Variants in ATP2A3 observed in about 807,000 individuals in gnomAD.
The protein encoded by ATP2A3 is ATPase sarcoplasmic/endoplasmic reticulum Ca2+ transporting 3, also known as sarcoplasmic/endoplasmic reticulum calcium ATPase 3.
Under a neutral mutation model 106.8 loss-of-function variants are expected in ATP2A3, and 61 were observed. The ratio of observed to expected loss-of-function variants is 0.57; its 90% CI spans 0.46 to 0.71. ATP2A3 has a LOEUF of 0.71. ATP2A3 is among the 30% of genes least tolerant of loss of function. The probability of loss-of-function intolerance (pLI) is 0.00; values close to 1 mark genes in which losing one functional copy is unlikely to be tolerated. For synonymous variants in ATP2A3, 611 were observed against 609.3 expected (o/e 1.00, Z -0.04); for missense variants, 1,201 against 1,423.5 (o/e 0.84, Z 2.52).
chr17:3,941,998 A>G (rs1410826968), intron 12 of ATP2A3, among the ~76,000 whole-genome samples: 1 of 152,102 alleles, frequency 6.6e-6, no homozygotes, highest in Non-Finnish European at 1.5e-5. Context: ...CCCTGGTGCT[A>G]CTCGGGTTCC....
intron 14 of ATP2A3, 54 bp downstream of exon 14, chr17:3,940,917 C>G: frequency 6.3e-7 from 1 of 1,598,118 alleles, no homozygotes; most frequent in Non-Finnish European, 8.6e-7. Context: ...GCTCTTTTCA[C>G]ACCCCGTGGC....
At chr17:3,945,602 T>C (rs2054069596) in intron 8 of ATP2A3, among the ~76,000 whole-genome samples, 1 of 152,186 alleles carries the variant, frequency 6.6e-6, no homozygotes, top group African/African-American at 2.4e-5. Flanking sequence ...CACGCCTCTC[T>C]GGGGCACAGA....
chr17:3,945,239 C>A, intron 8 of ATP2A3, 91 bp from the exon 9 acceptor site: 1 of 1,272,488 alleles, frequency 7.9e-7, no homozygotes, highest in Admixed American at 2.3e-5. Flanking sequence ...CCTGCAGGCC[C>A]CCTGCCCGAC....
At position 3,929,907 on chromosome 17, in the gene ATP2A3, A is replaced by T. The variant is rs977844373; in HGVS notation, c.2744+394T>A. Among the ~76,000 whole-genome samples the T allele has an allele frequency of 6.9e-6, 1 of 145,576 alleles. No homozygotes were observed. The highest frequency in any genetic ancestry group is 1.5e-5 in the Non-Finnish European group (1 of 66,462). Reference sequence around the variant, plus strand: ...CCTGGACCCTTGACCCTCTGATCCCAATCCTGAACCCCCCAAACATCAGAC... The same window carrying T: ...CCTGGACCCTTGACCCTCTGATCCCTATCCTGAACCCCCCAAACATCAGAC... On this transcript the variant is annotated intron_variant, in intron 18 of 20. Transcript: ENST00000397041. The surrounding 1 kb of genome is among the most constrained non-coding windows in gnomAD (Gnocchi z 4.3).
intron 10 of ATP2A3, among the ~76,000 whole-genome samples, chr17:3,943,889 C>T (rs564521797): frequency 6.6e-6 from 1 of 152,314 alleles, no homozygotes. Context: ...GCCTGCTGAA[C>T]CTTGTTCCCC....
Position 3,953,156 on chromosome 17 carries a change from C to T in ATP2A3, c.219+191G>A. On this transcript the variant is annotated intron_variant, in intron 3 of 20. Coordinates refer to ENST00000397041, the MANE Select transcript of ATP2A3 (RefSeq NM_005173.4). The surrounding 1 kb of genome is among the most constrained non-coding windows in gnomAD (Gnocchi z 5.1). ...GAGGGGTCAGGTGGGAGCCGGGGAC[C>T]CAATGTAGGGGCCATGAGGGTTCAG... 1.5e-6 allele frequency: 1 copy of T among 655,332 alleles called. No individual in the cohort carries two copies. The highest frequency in any genetic ancestry group is 1.7e-5 in the South Asian group (1 of 58,128). 40.6% of individuals were successfully genotyped at this position (655,332 alleles called of 1,614,324 possible).
At chr17:3,927,031 T>C in intron 20 of ATP2A3, 6 of 985,460 alleles carry the variant, frequency 6.1e-6, no homozygotes, top group Non-Finnish European at 7.2e-6. Flanking sequence ...CTGCCCTGCA[T>C]GCTGAGTGTC....
Position 3,925,011 on chromosome 17 carries a change from A to G in ATP2A3, c.*411T>C. On this transcript the variant is annotated 3_prime_UTR_variant, in exon 21 of 21. Transcript: ENST00000397041. The surrounding 1 kb of genome is among the most constrained non-coding windows in gnomAD (Gnocchi z 4.2). ...CCCCCAGAGTCCTCCGTCAGTGCAG[A>G]GGCACCAGTCACCAAGTGAACGTCC... The G allele has an allele frequency of 2.5e-6, 1 of 397,706 alleles. No individual in the cohort carries two copies. The highest frequency in any genetic ancestry group is 4.8e-6 in the Non-Finnish European group (1 of 207,298). 24.6% of individuals were successfully genotyped at this position (397,706 alleles called of 1,614,324 possible).
intron 5 of ATP2A3, among the ~76,000 whole-genome samples, chr17:3,951,017 G>A (rs1022782866): frequency 2.0e-5 from 3 of 152,008 alleles, no homozygotes; most frequent in African/African-American, 7.2e-5. Context: ...GAGGCACAGA[G>A]AGGGATGGGG....
Position 3,953,789 on chromosome 17 carries a change from G to A in ATP2A3, c.119-79C>T, listed in dbSNP as rs954234973. On this transcript the variant is annotated intron_variant, in intron 1 of 20. Transcript: ENST00000397041. The surrounding 1 kb of genome is among the most constrained non-coding windows in gnomAD (Gnocchi z 5.1). ...CACGCAGGGGCCTCGGGGGAGTCTGGCAGTGCCTCCCCACCGTGCCCGCCC... is the reference window on the plus strand; with the variant it reads ...CACGCAGGGGCCTCGGGGGAGTCTGACAGTGCCTCCCCACCGTGCCCGCCC... 1.9e-5 allele frequency: 28 copies of A among 1,481,650 alleles called. No homozygotes were observed. Among genetic ancestry groups the A allele is most frequent in the Non-Finnish European group, 1.8e-5 (20 of 1,084,056 alleles). 91.8% of individuals were successfully genotyped at this position (1,481,650 alleles called of 1,614,324 possible). A position where few individuals can be genotyped will look rare whatever the true frequency, so the allele number is the denominator to read the frequency against.
chr17:3,928,711 T>C lies in ATP2A3; in HGVS notation c.2932A>G (p.Ile978Val). The C allele has an allele frequency of 6.4e-7, 1 of 1,551,466 alleles. No individual in the cohort carries two copies. The highest frequency in any genetic ancestry group is 8.7e-7 in the Non-Finnish European group (1 of 1,147,208). ...VVVLQISLPVILLDEALKYLS... is the reference protein window; with the variant it reads ...VVVLQISLPVVLLDEALKYLS... ...TACTTGAGGGCCTCATCCAGCAGGATGACAGGCAGAGATATCTGGAGCACC... is the reference window on the plus strand; with the variant it reads ...TACTTGAGGGCCTCATCCAGCAGGACGACAGGCAGAGATATCTGGAGCACC... Residue 978 changes from isoleucine (I) to valine (V), a missense_variant, in exon 20 of 21, where the codon ATC (isoleucine) becomes GTC (valine). Ile to Val is a conservative substitution (Grantham distance 29). Coordinates refer to ENST00000397041, the MANE Select transcript of ATP2A3 (RefSeq NM_005173.4). This position sits in a 1 kb window ranked among gnomAD's most constrained non-coding sequence, Gnocchi z 6.1.
intron 14 of ATP2A3, among the ~76,000 whole-genome samples, chr17:3,940,595 C>T (rs2144462362): frequency 6.6e-6 from 1 of 152,190 alleles, no homozygotes; most frequent in Non-Finnish European, 1.5e-5. Flanking sequence ...GCAACCTCTG[C>T]CTCCCGGATT....
chr17:3,952,478 G>A (rs544588580), intron 3 of ATP2A3, among the ~76,000 whole-genome samples: 1 of 152,348 alleles, frequency 6.6e-6, no homozygotes, highest in South Asian at 2.1e-4. Flanking sequence ...GGCTGCAAGA[G>A]GTTCAGACCC....
chr17:3,929,416 AT>A lies in ATP2A3; in HGVS notation c.2773del (p.Met925CysfsTer5). On this transcript the variant is annotated frameshift_variant, in exon 19 of 21. Transcript: ENST00000397041. LOFTEE classifies it high-confidence loss of function. This position sits in a 1 kb window ranked among gnomAD's most constrained non-coding sequence, Gnocchi z 4.3. ...CAGCCAGGGGTTCATCCAGGGCGGCATCCGCAGCAGCGACTGGTTCTCCGAG... is the reference window on the plus strand; with the variant it reads ...CAGCCAGGGGTTCATCCAGGGCGGCACCGCAGCAGCGACTGGTTCTCCGAG... ...SVSENQSLLR[M>X]PPWMNPWLLV... 9 of 1,592,918 alleles carry A rather than the reference AT, an allele frequency of 5.7e-6. No homozygotes were observed. The highest frequency in any genetic ancestry group is 7.7e-6 in the Non-Finnish European group (9 of 1,170,740).
rs1014582801 is a variant in ATP2A3, at chr17:3,930,760, A to G, written c.2611-326T>C. ...TGGAGATCACTGAATAGGGAAATGC[A>G]TGTGAAAATCAACCAACAAAACCAT... On this transcript the variant is annotated intron_variant, in intron 17 of 20. Coordinates refer to ENST00000397041, the MANE Select transcript of ATP2A3 (RefSeq NM_005173.4). This position sits in a 1 kb window ranked among gnomAD's most constrained non-coding sequence, Gnocchi z 5.4. 2.2e-6 allele frequency: 1 copy of G among 446,944 alleles called. No individual in the cohort carries two copies. Among genetic ancestry groups the G allele is most frequent in the Non-Finnish European group, 4.2e-6 (1 of 238,590 alleles). 27.7% of individuals were successfully genotyped at this position (446,944 alleles called of 1,614,324 possible).
At position 3,930,193 on chromosome 17, in the gene ATP2A3, C is replaced by T. The variant is rs8074234; in HGVS notation, c.2744+108G>A. The T allele has an allele frequency of 0.13, 111,160 of 840,000 alleles. 14,250 individuals carry two copies. The highest frequency in any genetic ancestry group is 0.35 in the African/African-American group (13,366 of 38,122). 52.0% of individuals were successfully genotyped at this position (840,000 alleles called of 1,614,324 possible). A position where few individuals can be genotyped will look rare whatever the true frequency, so the allele number is the denominator to read the frequency against. ...CCACTCCTCGGCCCCAGCTCCAGGC[C>T]CTGCGCCCAGCCCACCTGGACCCCT... On this transcript the variant is annotated intron_variant, in intron 18 of 20. Coordinates refer to ENST00000397041, the MANE Select transcript of ATP2A3 (RefSeq NM_005173.4). This position sits in a 1 kb window ranked among gnomAD's most constrained non-coding sequence, Gnocchi z 5.4.
chr17:3,933,950 G>A (rs982626226), intron 17 of ATP2A3, among the ~76,000 whole-genome samples: 1 of 150,542 alleles, frequency 6.6e-6, no homozygotes, highest in Non-Finnish European at 1.5e-5. Context: ...TTGAGACTGC[G>A]TCTTGCTCTG....
intron 1 of ATP2A3, among the ~76,000 whole-genome samples, chr17:3,960,683 G>A (rs575622531): frequency 2.8e-4 from 42 of 152,278 alleles, no homozygotes; most frequent in Non-Finnish European, 5.4e-4. Context: ...GCAAACCTAC[G>A]AGAGGACTCT....
At chr17:3,927,510 G>A (rs770232065) in intron 20 of ATP2A3, 36 of 985,316 alleles carry the variant, frequency 3.7e-5, no homozygotes, top group East Asian at 1.1e-4. Context: ...GGCGGCTGGA[G>A]GATTTCCTGG....
Sources: gnomAD v4.1 joint callset for allele counts (sites outside exome capture counted in the v4.1 genomes callset) on GRCh38, gnomAD v4.1.1 for gene constraint, Gnocchi (gnomAD v3.1) non-coding constraint, MANE v1.5 for transcripts, NCBI Gene and HGNC (gene_info 2026-07-23, HGNC 2026-07-21) for gene names.